Variants in CDH4 observed in about 807,000 individuals in gnomAD.
The protein encoded by CDH4 is cadherin-4.
A neutral mutation model predicts 86.0 loss-of-function variants in CDH4; 33 were observed. The ratio of observed to expected loss-of-function variants is 0.38; its 90% confidence interval spans 0.29 to 0.51. The LOEUF (loss-of-function observed/expected upper bound fraction) is 0.51, where lower values mean the gene tolerates loss of function less well. Among genes scored for constraint, CDH4 ranks in the 20% least tolerant of loss-of-function variants. The pLI, the probability that CDH4 is intolerant of heterozygous loss-of-function variation, is 0.86. For synonymous variants in CDH4, 555 were observed against 549.4 expected, an observed-to-expected ratio of 1.01 and a Z score of -0.14; for missense variants, 1,114 against 1,307.4, an observed-to-expected ratio of 0.85 and a Z score of 2.28.
intron 2 of CDH4, among the ~76,000 whole-genome samples, chr20:61,583,243 G>A (rs1447568297): frequency 1.8e-5 from 1 of 55,018 alleles, no homozygotes; most frequent in African/African-American, 5.8e-5. Context: ...GGGGGACAGA[G>A]GGCTCTGAGG....
intron 2 of CDH4, among the ~76,000 whole-genome samples, chr20:61,563,299 A>G (rs1358636291): frequency 6.6e-6 from 1 of 152,206 alleles, no homozygotes; most frequent in Non-Finnish European, 1.5e-5. Context: ...CATGTTAGCA[A>G]TCAGCTTCCG....
intron 6 of CDH4, among the ~76,000 whole-genome samples, chr20:61,871,351 G>A (rs905520045): frequency 6.6e-6 from 1 of 152,124 alleles, no homozygotes; most frequent in African/African-American, 2.4e-5. Flanking sequence ...AAGTCAGCTT[G>A]AAGTCTTCTC....
intron 2 of CDH4, among the ~76,000 whole-genome samples, chr20:61,461,271 A>G (rs996632186): frequency 6.6e-6 from 1 of 152,178 alleles, no homozygotes; most frequent in Non-Finnish European, 1.5e-5. Flanking sequence ...AGACAGCCTT[A>G]TGCGTTCCCT....
At position 61,322,157 on chromosome 20, in the gene CDH4, GCAATGGGGTTGGTGCCGTCTGTGTGCT is replaced by G. The variant is rs560163710; in HGVS notation, c.169+67221_169+67247del. Reference sequence around the variant, plus strand: ...GGGGATGGTTATTTATTCATTCAGTGCAATGGGGTTGGTGCCGTCTGTGTGCTTTGCACTCTGCTGGCCTGTGGTTGG... The same window carrying G: ...GGGGATGGTTATTTATTCATTCAGTGTTGCACTCTGCTGGCCTGTGGTTGG... On this transcript the variant is annotated intron_variant, in intron 2 of 15. Coordinates refer to ENST00000614565, the MANE Select transcript of CDH4 (RefSeq NM_001794.5). Among the ~76,000 whole-genome samples the G allele has an allele frequency of 6.6e-5, 10 of 152,294 alleles. No individual in the cohort carries two copies. In the South Asian group the frequency reaches 2.1e-3, roughly 32 times the overall value.
chr20:61,321,991 G>A (rs991937912), intron 2 of CDH4, among the ~76,000 whole-genome samples: 1 of 151,960 alleles, frequency 6.6e-6, no homozygotes, highest in Non-Finnish European at 1.5e-5. Context: ...CCATTTTACA[G>A]GTGGGGAAAC....
chr20:61,612,639 A>G (rs1242421530), intron 2 of CDH4, among the ~76,000 whole-genome samples: 3 of 152,076 alleles, frequency 2.0e-5, no homozygotes, highest in South Asian at 2.1e-4. Flanking sequence ...GGATGTAACC[A>G]TGGCCAATTA....
chr20:61,528,465 G>GGGGGA (rs2085928515), intron 2 of CDH4, among the ~76,000 whole-genome samples: 1 of 72,530 alleles, frequency 1.4e-5, no homozygotes, highest in African/African-American at 6.2e-5. Flanking sequence ...GGGGGAGAGG[G>GGGGGA]AGGGGGAGGG....
intron 2 of CDH4, among the ~76,000 whole-genome samples, chr20:61,493,382 G>GT (rs2085638775): frequency 6.6e-6 from 1 of 152,186 alleles, no homozygotes; most frequent in South Asian, 2.1e-4. Context: ...AGTTCTCTGA[G>GT]TTTTTTGCTT....
intron 2 of CDH4, among the ~76,000 whole-genome samples, chr20:61,503,336 G>A (rs2085718184): frequency 1.3e-5 from 2 of 152,216 alleles, no homozygotes; most frequent in African/African-American, 4.8e-5. Flanking sequence ...GCTCCACATT[G>A]CAAATATGAA....
intron 2 of CDH4, among the ~76,000 whole-genome samples, chr20:61,594,649 G>A (rs1392167892): frequency 1.3e-5 from 2 of 152,152 alleles, no homozygotes; most frequent in African/African-American, 4.8e-5. Context: ...CTGTGACTCT[G>A]CTTGTGTGCG....
At chr20:61,350,866 C>CTT (rs11086736) in intron 2 of CDH4, among the ~76,000 whole-genome samples, 2 of 151,864 alleles carry the variant, frequency 1.3e-5, no homozygotes, top group East Asian at 1.9e-4. Flanking sequence ...CGCATGCTGC[C>CTT]TTTTTTTTAT....
intron 4 of CDH4, among the ~76,000 whole-genome samples, chr20:61,805,770 C>T (rs1252151625): frequency 2.0e-5 from 3 of 152,264 alleles, no homozygotes; most frequent in Non-Finnish European, 4.4e-5. Flanking sequence ...CCTCTCACAC[C>T]GGCCATCACC....
chr20:61,702,351 T>C (rs2087785833), intron 2 of CDH4, among the ~76,000 whole-genome samples: 1 of 152,200 alleles, frequency 6.6e-6, no homozygotes, highest in Non-Finnish European at 1.5e-5. Context: ...AACAAAGGTG[T>C]GTGCAGAGTT....
intron 2 of CDH4, among the ~76,000 whole-genome samples, chr20:61,375,330 G>T (rs2084860988): frequency 6.6e-6 from 1 of 152,138 alleles, no homozygotes; most frequent in Non-Finnish European, 1.5e-5. Context: ...GGTGGTGACA[G>T]TGGGGAGGTG....
intron 2 of CDH4, among the ~76,000 whole-genome samples, chr20:61,263,758 G>T (rs1427575180): frequency 9.2e-5 from 14 of 152,158 alleles, no homozygotes; most frequent in Non-Finnish European, 1.9e-4. Context: ...TGAAATCAAG[G>T]TGTCTGCAGG....
intron 10 of CDH4, 44 bp from the exon 11 acceptor site, chr20:61,924,290 C>A: frequency 1.3e-6 from 2 of 1,513,638 alleles, no homozygotes; most frequent in Non-Finnish European, 9.1e-7. Flanking sequence ...GGCAGCCCCG[C>A]CCACCCCCAG....
chr20:61,589,428 CCACTT>C (rs1430794327), intron 2 of CDH4, among the ~76,000 whole-genome samples: 15 of 152,180 alleles, frequency 9.9e-5, no homozygotes, highest in African/African-American at 3.6e-4. Flanking sequence ...TTGTTTTACT[CCACTT>C]CACTTTGTTT....
intron 2 of CDH4, among the ~76,000 whole-genome samples, chr20:61,700,295 T>C (rs553738017): frequency 6.6e-6 from 1 of 152,252 alleles, no homozygotes; most frequent in Non-Finnish European, 1.5e-5. Context: ...GGGAAGACAG[T>C]TTTTTCACTG....
intron 5 of CDH4, among the ~76,000 whole-genome samples, chr20:61,849,810 A>C (rs145615109): frequency 6.6e-6 from 1 of 152,100 alleles, no homozygotes; most frequent in Non-Finnish European, 1.5e-5. Flanking sequence ...TCGAAGGCCC[A>C]TGTGGTTGGA....
Sources: gnomAD v4.1 joint callset for allele counts (sites outside exome capture counted in the v4.1 genomes callset) on GRCh38, gnomAD v4.1.1 for gene constraint, MANE v1.5 for transcripts, NCBI Gene and HGNC (gene_info 2026-07-23, HGNC 2026-07-21) for gene names.